Variants in TMEM236 observed in about 807,000 individuals in gnomAD.
The protein encoded by TMEM236 is family with sequence similarity 23, member A.
Under a neutral mutation model 14.7 loss-of-function variants are expected in TMEM236, and 11 were observed. The observed-to-expected ratio is 0.75, with a 90% CI of 0.47 to 1.24. The LOEUF (loss-of-function observed/expected upper bound fraction) is 1.24, where lower values mean the gene tolerates loss of function less well. Among genes scored for constraint, TMEM236 ranks in the 50% most tolerant of loss-of-function variants. The pLI, the probability that TMEM236 is intolerant of heterozygous loss-of-function variation, is 0.00. For synonymous variants in TMEM236, 182 were observed against 168.6 expected, an observed-to-expected ratio of 1.08 and a Z score of -0.62; for missense variants, 464 against 427.3, an observed-to-expected ratio of 1.09 and a Z score of -0.76.
At chr10:17,766,589 A>G (rs1204930045) in intron 1 of TMEM236, among the ~76,000 whole-genome samples, 2 of 150,662 alleles carry the variant, frequency 1.3e-5, no homozygotes, top group African/African-American at 4.9e-5. Context: ...GCTTCTCACA[A>G]CTCTCCCAGT....
In TMEM236 at chr10:17,790,045, A is replaced by G. The variant is rs900456766; in HGVS notation, c.473-5876A>G. On this transcript the variant is annotated intron_variant, in intron 3 of 3. Transcript: ENST00000377495. Reference sequence around the variant, plus strand: ...TCTCAAAAAAAGAAAAGAATAAAACAAAAAAACAAAAAACGAACAAAACAA... The same window carrying G: ...TCTCAAAAAAAGAAAAGAATAAAACGAAAAAACAAAAAACGAACAAAACAA... Among the ~76,000 whole-genome samples the G allele has an allele frequency of 3.8e-3, 578 of 151,998 alleles. 1 individual carries two copies. Among genetic ancestry groups the G allele is most frequent in the African/African-American group, 0.013 (541 of 41,468 alleles).
chr10:17,760,020 C>G (rs1554833852), intron 1 of TMEM236, among the ~76,000 whole-genome samples: 2 of 150,514 alleles, frequency 1.3e-5, no homozygotes, highest in East Asian at 1.9e-4. Context: ...AAGATTGCCC[C>G]GAGGGAGCCT....
At chr10:17,760,240 CTG>C (rs1837341394) in intron 1 of TMEM236, among the ~76,000 whole-genome samples, 1 of 152,124 alleles carries the variant, frequency 6.6e-6, no homozygotes, top group African/African-American at 2.4e-5. Flanking sequence ...CTTAGTGAAT[CTG>C]TTATCTACCA....
At chr10:17,759,467 C>T (rs964823205) in intron 1 of TMEM236, among the ~76,000 whole-genome samples, 1 of 152,080 alleles carries the variant, frequency 6.6e-6, no homozygotes, top group East Asian at 1.9e-4. Context: ...CCATTTTGGG[C>T]AACATTTTAC....
intron 3 of TMEM236, among the ~76,000 whole-genome samples, chr10:17,788,138 A>C (rs954925125): frequency 4.0e-5 from 6 of 150,428 alleles, no homozygotes; most frequent in Admixed American, 3.3e-4. Context: ...AGAATTCAGC[A>C]TGAATTTATT....
chr10:17,774,295 T>C (rs1428546474), intron 2 of TMEM236, among the ~76,000 whole-genome samples: 1 of 152,172 alleles, frequency 6.6e-6, no homozygotes, highest in African/African-American at 2.4e-5. Context: ...TTTACCTGCC[T>C]TGGACCCCTG....
At chr10:17,789,743 C>T (rs1324587164) in intron 3 of TMEM236, among the ~76,000 whole-genome samples, 1 of 151,950 alleles carries the variant, frequency 6.6e-6, no homozygotes, top group Admixed American at 6.6e-5. Flanking sequence ...TGAGCCAGGG[C>T]CGGGCACGGT....
intron 1 of TMEM236, among the ~76,000 whole-genome samples, chr10:17,767,057 T>C (rs1431890198): frequency 2.0e-5 from 3 of 152,252 alleles, no homozygotes; most frequent in Admixed American, 2.0e-4. Flanking sequence ...AACTTGATTA[T>C]CTCTGTAAAG....
At chr10:17,770,177 T>C (rs1837545964) in intron 1 of TMEM236, among the ~76,000 whole-genome samples, 1 of 152,162 alleles carries the variant, frequency 6.6e-6, no homozygotes, top group Admixed American at 6.5e-5. Flanking sequence ...CATTCTTTTT[T>C]ATGACTGTGG....
intron 1 of TMEM236, among the ~76,000 whole-genome samples, chr10:17,763,960 G>A (rs1227869602): frequency 6.6e-6 from 1 of 152,148 alleles, no homozygotes; most frequent in African/African-American, 2.4e-5. Flanking sequence ...GTTGTTGTGG[G>A]GTTGTCGTAT....
At chr10:17,773,603 G>A (rs1186666770) in intron 2 of TMEM236, among the ~76,000 whole-genome samples, 1 of 152,120 alleles carries the variant, frequency 6.6e-6, no homozygotes, top group Non-Finnish European at 1.5e-5. Flanking sequence ...CTCCCAAAAT[G>A]CTGAGATTAC....
chr10:17,781,356 C>G (rs1240593837), intron 3 of TMEM236, among the ~76,000 whole-genome samples: 1 of 152,202 alleles, frequency 6.6e-6, no homozygotes, highest in African/African-American at 2.4e-5. Context: ...AAACCTGGTG[C>G]TGGGAGGCAA....
chr10:17,770,113 C>T (rs965141554), intron 1 of TMEM236, among the ~76,000 whole-genome samples: 11 of 152,066 alleles, frequency 7.2e-5, no homozygotes, highest in Non-Finnish European at 1.5e-4. Flanking sequence ...TGAGTTAATT[C>T]GTTTAGGATA....
intron 2 of TMEM236, among the ~76,000 whole-genome samples, chr10:17,773,349 T>C (rs1554834977): frequency 6.6e-6 from 1 of 152,314 alleles, no homozygotes; most frequent in Admixed American, 6.5e-5. Flanking sequence ...TCTTATTTTT[T>C]TGGAGACAGA....
chr10:17,787,234 G>T (rs953938769), intron 3 of TMEM236, among the ~76,000 whole-genome samples: 2 of 152,222 alleles, frequency 1.3e-5, no homozygotes, highest in African/African-American at 4.8e-5. Flanking sequence ...AAGCACTGTG[G>T]ACTGTGCCAT....
intron 1 of TMEM236, among the ~76,000 whole-genome samples, chr10:17,762,171 A>G (rs986126521): frequency 2.6e-5 from 4 of 152,010 alleles, no homozygotes; most frequent in African/African-American, 9.7e-5. Flanking sequence ...TCCTTGTTAA[A>G]TTTTTGCAAC....
chr10:17,773,837 A>G (rs1347600032), intron 2 of TMEM236, among the ~76,000 whole-genome samples: 1 of 152,126 alleles, frequency 6.6e-6, no homozygotes, highest in Non-Finnish European at 1.5e-5. Context: ...TTTTGATTAT[A>G]TGTATTGCAA....
intron 1 of TMEM236, among the ~76,000 whole-genome samples, chr10:17,764,836 C>CTTTTTTTTTT (rs1837435042): frequency 4.3e-5 from 3 of 70,468 alleles, no homozygotes; most frequent in Non-Finnish European, 6.5e-5. Context: ...TCAGATTTTC[C>CTTTTTTTTTT]CTTTTTTTTT....
intron 3 of TMEM236, among the ~76,000 whole-genome samples, chr10:17,777,077 G>A (rs1463424143): frequency 6.6e-6 from 1 of 152,140 alleles, no homozygotes; most frequent in Non-Finnish European, 1.5e-5. Context: ...TGAGCCTCAG[G>A]AGACAGCTTC....
Sources: allele counts gnomAD v4.1 joint callset (sites outside exome capture counted in the v4.1 genomes callset), GRCh38; gene constraint gnomAD v4.1.1; transcripts MANE v1.5; gene names NCBI Gene and HGNC (gene_info 2026-07-23, HGNC 2026-07-21).